IL1RAPL1: variants seen among roughly 807,000 people sequenced by gnomAD.
The protein encoded by IL1RAPL1 is interleukin-1 receptor accessory protein-like 1.
IL1RAPL1 carries 3 observed loss-of-function variants against 48.4 expected under a neutral mutation model. The observed-to-expected ratio is 0.06, with a 90% CI of 0.03 to 0.16. The LOEUF is 0.16. Ranked by LOEUF, IL1RAPL1 falls within the 10% of genes least tolerant of loss-of-function variation. The probability of loss-of-function intolerance (pLI) is 1.00; values close to 1 mark genes in which losing one functional copy is unlikely to be tolerated. For missense variants in IL1RAPL1, 349 were observed against 530.6 expected, an observed-to-expected ratio of 0.66 and a Z score of 3.36; for synonymous variants, 185 against 187.7, an observed-to-expected ratio of 0.99 and a Z score of 0.12.
intron 5 of IL1RAPL1, among the ~76,000 whole-genome samples, chrX:29,496,586 C>T (rs955855558): frequency 9.2e-6 from 1 of 109,132 alleles, no homozygotes; most frequent in African/African-American, 3.3e-5. Flanking sequence ...ACCACGCTCC[C>T]TGTAAAGTCT....
chrX:29,185,462 G>A (rs1930232269), intron 2 of IL1RAPL1, among the ~76,000 whole-genome samples: 1 of 111,996 alleles, frequency 8.9e-6, no homozygotes, highest in Non-Finnish European at 1.9e-5. Context: ...ATTTCAGGAG[G>A]TTGTTGTGAA....
At chrX:28,798,633 T>G in intron 2 of IL1RAPL1, among the ~76,000 whole-genome samples, 1 of 112,391 alleles carries the variant, frequency 8.9e-6, no homozygotes, top group Non-Finnish European at 1.9e-5. Flanking sequence ...TTTAGCTTAC[T>G]GCAACTGGCA....
intron 6 of IL1RAPL1, among the ~76,000 whole-genome samples, chrX:29,710,580 A>G (rs1927313509): frequency 1.9e-5 from 2 of 105,959 alleles, no homozygotes; most frequent in African/African-American, 6.8e-5. Flanking sequence ...TTTTATATAT[A>G]TACACACATA....
intron 2 of IL1RAPL1, among the ~76,000 whole-genome samples, chrX:29,013,211 AAC>A (rs1258667663): frequency 4.5e-5 from 5 of 110,388 alleles, no homozygotes; most frequent in African/African-American, 1.7e-4. Flanking sequence ...AAAAAAAAAA[AAC>A]AATAGATGCT....
intron 3 of IL1RAPL1, among the ~76,000 whole-genome samples, chrX:29,343,856 A>G (rs1005509006): frequency 9.0e-6 from 1 of 111,522 alleles, no homozygotes; most frequent in African/African-American, 3.3e-5. Flanking sequence ...TTCTTGGCCC[A>G]CATTAGTCTT....
intron 9 of IL1RAPL1, among the ~76,000 whole-genome samples, chrX:29,953,019 C>T (rs756398470): frequency 8.9e-5 from 10 of 111,820 alleles, no homozygotes; most frequent in African/African-American, 1.3e-4. Context: ...ATGTATATAT[C>T]TCAGGAAGTG....
intron 2 of IL1RAPL1, among the ~76,000 whole-genome samples, chrX:28,957,302 A>G (rs980834266): frequency 8.9e-6 from 1 of 111,847 alleles, no homozygotes; most frequent in African/African-American, 3.3e-5. Flanking sequence ...AAAAAAAATT[A>G]CTAATCTTTA....
At chrX:29,274,469 C>T (rs1167741811) in intron 2 of IL1RAPL1, among the ~76,000 whole-genome samples, 1 of 112,337 alleles carries the variant, frequency 8.9e-6, no homozygotes, top group East Asian at 2.8e-4. Context: ...TAATTTTCCT[C>T]TACAATCTCT....
chrX:28,703,834 A>G (rs759677458), intron 1 of IL1RAPL1, among the ~76,000 whole-genome samples: 29 of 111,905 alleles, frequency 2.6e-4, no homozygotes, highest in Non-Finnish European at 5.3e-4. Context: ...CTACATGAAT[A>G]CATGTCATTA....
intron 2 of IL1RAPL1, among the ~76,000 whole-genome samples, chrX:28,940,974 A>G (rs1451997644): frequency 2.7e-5 from 3 of 110,571 alleles, no homozygotes; most frequent in Non-Finnish European, 5.7e-5. Flanking sequence ...CACTATATAT[A>G]TTTTTTGTTT....
At chrX:29,265,066 C>T (rs923221192) in intron 2 of IL1RAPL1, among the ~76,000 whole-genome samples, 3 of 110,717 alleles carry the variant, frequency 2.7e-5, no homozygotes, top group Non-Finnish European at 3.8e-5. Flanking sequence ...GCATACGCCA[C>T]GACACCCAGC....
chrX:29,252,249 A>T (rs1014443230), intron 2 of IL1RAPL1, among the ~76,000 whole-genome samples: 1 of 111,091 alleles, frequency 9.0e-6, no homozygotes, highest in Non-Finnish European at 1.9e-5. Flanking sequence ...CATGTACCCT[A>T]AAACTTAAAG....
chrX:29,304,123 C>G (rs1466386793), intron 3 of IL1RAPL1, among the ~76,000 whole-genome samples: 6 of 111,164 alleles, frequency 5.4e-5, no homozygotes, highest in African/African-American at 2.0e-4. Context: ...CCTGCCCGTC[C>G]CCTCCAGTAT....
intron 1 of IL1RAPL1, among the ~76,000 whole-genome samples, chrX:28,780,058 C>T (rs1443021406): frequency 9.1e-6 from 1 of 110,319 alleles, no homozygotes; most frequent in Non-Finnish European, 1.9e-5. Context: ...ATAAGCATTT[C>T]CATGGATAAG....
chrX:29,163,151 G>A (rs1030242154), intron 2 of IL1RAPL1, among the ~76,000 whole-genome samples: 1 of 111,368 alleles, frequency 9.0e-6, no homozygotes, highest in African/African-American at 3.3e-5. Flanking sequence ...AGTTAGAGCT[G>A]TTGTGGTTCA....
chrX:29,508,387 G>T (rs772253108), intron 5 of IL1RAPL1, among the ~76,000 whole-genome samples: 1 of 111,454 alleles, frequency 9.0e-6, no homozygotes, highest in Non-Finnish European at 1.9e-5. Flanking sequence ...TGTCTGAAAG[G>T]CTAGCTTAAA....
intron 2 of IL1RAPL1, among the ~76,000 whole-genome samples, chrX:29,194,827 G>C (rs1315181038): frequency 2.7e-5 from 3 of 110,843 alleles, no homozygotes; most frequent in African/African-American, 9.8e-5. Context: ...TCCTTTACCA[G>C]AGGAAATGTT....
At chrX:29,323,122 C>T (rs1162556952) in intron 3 of IL1RAPL1, among the ~76,000 whole-genome samples, 2 of 111,737 alleles carry the variant, frequency 1.8e-5, no homozygotes, top group Non-Finnish European at 3.8e-5. Flanking sequence ...CACTTGCATC[C>T]TTGATTTTAT....
At chrX:29,388,367 T>A (rs202244317) in intron 3 of IL1RAPL1, among the ~76,000 whole-genome samples, 1,696 of 27,051 alleles carry the variant, frequency 0.063, 28 homozygotes, top group African/African-American at 0.19. Flanking sequence ...TTAAAAAAAA[T>A]ATATATATAT....
Sources: gnomAD v4.1 joint callset for allele counts (sites outside exome capture counted in the v4.1 genomes callset) on GRCh38, gnomAD v4.1.1 for gene constraint, MANE v1.5 for transcripts, NCBI Gene and HGNC (gene_info 2026-07-23, HGNC 2026-07-21) for gene names.